ACKR2: variants seen among roughly 807,000 people sequenced by gnomAD.
The protein encoded by ACKR2 is atypical chemokine receptor 2.
For synonymous variants in ACKR2, 207 were observed against 192.2 expected (o/e 1.08, Z -0.64); for missense variants, 457 against 477.3 (o/e 0.96, Z 0.40).
At chr3:42,828,092 A>ATATATATATATATAT (rs1193533555) in intron 2 of ACKR2, among the ~76,000 whole-genome samples, 2 of 121,902 alleles carry the variant, frequency 1.6e-5, no homozygotes, top group African/African-American at 6.5e-5. Context: ...ATATATATAT[A>ATATATATATATATAT]TTTTTTTTTT....
At chr3:42,827,826 G>A (rs1349244635) in intron 2 of ACKR2, among the ~76,000 whole-genome samples, 2 of 152,100 alleles carry the variant, frequency 1.3e-5, no homozygotes, top group Non-Finnish European at 2.9e-5. Flanking sequence ...TCATCATCCA[G>A]CCTGTGCGTG....
At chr3:42,829,014 T>C (rs1415440873) in intron 2 of ACKR2, among the ~76,000 whole-genome samples, 3 of 152,072 alleles carry the variant, frequency 2.0e-5, no homozygotes, top group Admixed American at 1.3e-4. Flanking sequence ...CATCAAGCCA[T>C]CTGAAATTGG....
chr3:42,846,547 T>A (rs1701099444), intron 2 of ACKR2, among the ~76,000 whole-genome samples: 1 of 152,164 alleles, frequency 6.6e-6, no homozygotes, highest in Admixed American at 6.5e-5. Context: ...TGGGCTGAAC[T>A]AATAATGTTA....
chr3:42,827,655 G>A (rs1166047012), intron 2 of ACKR2, among the ~76,000 whole-genome samples: 3 of 152,082 alleles, frequency 2.0e-5, no homozygotes, highest in Non-Finnish European at 4.4e-5. Flanking sequence ...AGAGATCTAC[G>A]AGATACCAAT....
At chr3:42,857,707 T>C (rs1385687677) in intron 2 of ACKR2, among the ~76,000 whole-genome samples, 1 of 152,182 alleles carries the variant, frequency 6.6e-6, no homozygotes, top group Admixed American at 6.5e-5. Flanking sequence ...ATTAAAAATA[T>C]TGATATGAAA....
intron 2 of ACKR2, among the ~76,000 whole-genome samples, chr3:42,838,250 A>G (rs1264550664): frequency 6.6e-6 from 1 of 152,212 alleles, no homozygotes; most frequent in East Asian, 1.9e-4. Context: ...AGAATAAAAC[A>G]CAAGACACAG....
intron 2 of ACKR2, among the ~76,000 whole-genome samples, chr3:42,845,149 C>T (rs572816328): frequency 1.6e-4 from 24 of 152,304 alleles, no homozygotes; most frequent in Admixed American, 3.3e-4. Flanking sequence ...AGACAGGGCA[C>T]GGTGTCCCTC....
chr3:42,855,392 T>C (rs995253030), intron 2 of ACKR2, among the ~76,000 whole-genome samples: 11 of 152,200 alleles, frequency 7.2e-5, no homozygotes, highest in Non-Finnish European at 1.3e-4. Context: ...TATGAAGGTG[T>C]CTGGCCAGCT....
intron 1 of ACKR2, among the ~76,000 whole-genome samples, chr3:42,809,995 A>C (rs1350133953): frequency 1.3e-5 from 2 of 152,146 alleles, no homozygotes; most frequent in Non-Finnish European, 2.9e-5. Context: ...AGGGTAAGAC[A>C]GGTTGGTTAG....
chr3:42,838,575 G>C (rs1701006216), intron 2 of ACKR2, among the ~76,000 whole-genome samples: 1 of 152,136 alleles, frequency 6.6e-6, no homozygotes, highest in African/African-American at 2.4e-5. Context: ...TGAAACAATT[G>C]TAACTCTCAT....
At chr3:42,823,190 TCCTC>T (rs1437434000) in intron 2 of ACKR2, among the ~76,000 whole-genome samples, 1 of 152,218 alleles carries the variant, frequency 6.6e-6, no homozygotes, top group Non-Finnish European at 1.5e-5. Flanking sequence ...AGTTATCCCT[TCCTC>T]TTGTTTTCTT....
intron 2 of ACKR2, among the ~76,000 whole-genome samples, chr3:42,845,848 CA>C (rs35395771): frequency 0.14 from 7,031 of 49,228 alleles, 218 homozygotes; most frequent in African/African-American, 0.3. Flanking sequence ...GACTCCGTCT[CA>C]AAAAAAAAAA....
chr3:42,830,259 T>C (rs1700918698), intron 2 of ACKR2, among the ~76,000 whole-genome samples: 1 of 152,144 alleles, frequency 6.6e-6, no homozygotes, highest in African/African-American at 2.4e-5. Context: ...AGCCTCTGAT[T>C]GATAAGCACT....
chr3:42,822,984 T>A (rs898518902), intron 2 of ACKR2, among the ~76,000 whole-genome samples: 1 of 152,104 alleles, frequency 6.6e-6, no homozygotes, highest in African/African-American at 2.4e-5. Context: ...ACCACAACAC[T>A]GTTCCTTTGA....
intron 2 of ACKR2, among the ~76,000 whole-genome samples, chr3:42,839,542 T>G (rs746591921): frequency 6.6e-6 from 1 of 152,124 alleles, no homozygotes; most frequent in African/African-American, 2.4e-5. Flanking sequence ...AAACATAATG[T>G]TGAACAAATG....
chr3:42,855,926 T>A (rs1166647994), intron 2 of ACKR2: 1 of 156,436 alleles, frequency 6.4e-6, no homozygotes, highest in Non-Finnish European at 1.4e-5. Context: ...CTTCGAGAAA[T>A]CAAGTCAAGA....
At chr3:42,854,497 A>G (rs1701199387) in intron 2 of ACKR2, among the ~76,000 whole-genome samples, 2 of 151,796 alleles carry the variant, frequency 1.3e-5, no homozygotes, top group African/African-American at 2.4e-5. Context: ...TGTGGGGGGG[A>G]AGGGGTCGTC....
chr3:42,820,347 G>A (rs769577582), intron 2 of ACKR2, among the ~76,000 whole-genome samples: 30 of 152,126 alleles, frequency 2.0e-4, no homozygotes, highest in Middle Eastern at 3.4e-3. Flanking sequence ...AATATAATCT[G>A]CTTTGGGAGT....
At chr3:42,813,597 G>T (rs1277913345) in intron 1 of ACKR2, among the ~76,000 whole-genome samples, 1 of 152,162 alleles carries the variant, frequency 6.6e-6, no homozygotes, top group Non-Finnish European at 1.5e-5. Context: ...CAAGGAGAAA[G>T]TCCACCCCCG....
Sources: allele counts gnomAD v4.1 joint callset (sites outside exome capture counted in the v4.1 genomes callset), GRCh38; gene constraint gnomAD v4.1.1; transcripts MANE v1.5; gene names NCBI Gene and HGNC (gene_info 2026-07-23, HGNC 2026-07-21).